Variants in DST observed in about 807,000 individuals in gnomAD.
DST encodes bullous pemphigoid antigen.
A neutral mutation model predicts 875.2 loss-of-function variants in DST; 253 were observed. That is an observed-to-expected ratio of 0.29 (90% CI 0.26 to 0.32). DST has a LOEUF of 0.32. Among genes scored for constraint, DST ranks in the 10% least tolerant of loss-of-function variants. DST has a pLI of 1.00. For missense variants in DST, 8,287 were observed against 9,111.6 expected, an observed-to-expected ratio of 0.91 and a Z score of 3.68; for synonymous variants, 3,124 against 3,197.1, an observed-to-expected ratio of 0.98 and a Z score of 0.77.
chr6:56,721,652 C>T (rs2099417120), intron 5 of DST, among the ~76,000 whole-genome samples: 1 of 152,334 alleles, frequency 6.6e-6, no homozygotes, highest in South Asian at 2.1e-4. Context: ...ATATACTGAA[C>T]TGGCCTATTC....
chr6:56,942,712 T>C (rs968132065), intron 2 of DST, among the ~76,000 whole-genome samples: 3 of 144,198 alleles, frequency 2.1e-5, no homozygotes, highest in South Asian at 2.3e-4. Context: ...TTCTCTTTTT[T>C]TTTTTTTTTT....
At chr6:56,582,606 T>C (rs2098032866) in intron 49 of DST, among the ~76,000 whole-genome samples, 2 of 152,120 alleles carry the variant, frequency 1.3e-5, no homozygotes, top group South Asian at 4.1e-4. Context: ...CTTTTCTTTT[T>C]TTTTTTTATT....
chr6:56,602,756 T>C, intron 43 of DST, 126 bp downstream of exon 43: 1 of 670,528 alleles, frequency 1.5e-6, no homozygotes, highest in Non-Finnish European at 2.2e-6. Flanking sequence ...AATAAAGACA[T>C]CTCTAGAGAC....
intron 4 of DST, among the ~76,000 whole-genome samples, chr6:56,793,716 A>G (rs986604694): frequency 6.6e-6 from 1 of 152,226 alleles, no homozygotes; most frequent in African/African-American, 2.4e-5. Flanking sequence ...GTCTCGGATA[A>G]TAATACAATC....
At chr6:56,622,393 A>AC (rs1391200887) in intron 36 of DST, among the ~76,000 whole-genome samples, 7 of 151,510 alleles carry the variant, frequency 4.6e-5, no homozygotes, top group Non-Finnish European at 2.9e-5. Context: ...ACATGGTGAA[A>AC]CCCCGTCTCT....
chr6:56,832,437 C>T (rs918584143), intron 4 of DST, among the ~76,000 whole-genome samples: 9 of 152,110 alleles, frequency 5.9e-5, no homozygotes, highest in African/African-American at 1.9e-4. Flanking sequence ...CCATGTAAGA[C>T]GTGACTTGCC....
chr6:56,850,298 G>C (rs748056688), intron 4 of DST, among the ~76,000 whole-genome samples: 6 of 151,920 alleles, frequency 3.9e-5, no homozygotes, highest in Admixed American at 6.5e-5. Context: ...AATCCCACTG[G>C]GGGGACAAAA....
At chr6:56,919,449 C>G (rs917463817) in intron 2 of DST, among the ~76,000 whole-genome samples, 2 of 152,172 alleles carry the variant, frequency 1.3e-5, no homozygotes. Flanking sequence ...ATCTACTTAA[C>G]TATCCTTTCT....
At chr6:56,636,373 TAC>T (rs1225152168) in intron 23 of DST, among the ~76,000 whole-genome samples, 182 bp downstream of exon 23, 2 of 151,096 alleles carry the variant, frequency 1.3e-5, no homozygotes, top group Non-Finnish European at 2.9e-5. Flanking sequence ...TGTATATATA[TAC>T]ACACATATAT....
At chr6:56,699,950 A>G (rs573717266) in intron 8 of DST, among the ~76,000 whole-genome samples, 6 of 152,248 alleles carry the variant, frequency 3.9e-5, no homozygotes, top group Admixed American at 6.5e-5. Context: ...AAGAGCAAGT[A>G]TTATTGCATT....
At chr6:56,712,986 C>T (rs2099382518) in intron 5 of DST, among the ~76,000 whole-genome samples, 4 of 152,028 alleles carry the variant, frequency 2.6e-5, no homozygotes, top group Admixed American at 2.6e-4. Context: ...GAAACAACAA[C>T]AAAAAAAGAG....
chr6:56,905,956 C>T (rs907785032), intron 2 of DST, among the ~76,000 whole-genome samples: 2 of 152,074 alleles, frequency 1.3e-5, no homozygotes, highest in Admixed American at 1.3e-4. Flanking sequence ...GCCTATATTG[C>T]ACTTTCTTTA....
chr6:56,821,345 A>G (rs1481166477), intron 4 of DST, among the ~76,000 whole-genome samples: 1 of 152,240 alleles, frequency 6.6e-6, no homozygotes, highest in Non-Finnish European at 1.5e-5. Context: ...TTTACACAGC[A>G]CAGAATGAAG....
At chr6:56,509,303 T>C (rs2096414330) in intron 74 of DST, among the ~76,000 whole-genome samples, 1 of 152,132 alleles carries the variant, frequency 6.6e-6, no homozygotes, top group African/African-American at 2.4e-5. Context: ...CTATGTAAGG[T>C]AGCAGAGTCA....
At chr6:56,521,479 T>TCA (rs2096702555) in intron 69 of DST, among the ~76,000 whole-genome samples, 1 of 144,366 alleles carries the variant, frequency 6.9e-6, no homozygotes, top group African/African-American at 2.6e-5. Flanking sequence ...CTTCCCTATT[T>TCA]AAAAAAAAAA....
In DST at chr6:56,479,417, C is replaced by G. The variant is rs185119003; in HGVS notation, c.21532-1929G>C. Among the ~76,000 whole-genome samples, 100 of 152,252 alleles carry G rather than the reference C, an allele frequency of 6.6e-4. No homozygotes were observed. In the East Asian group the frequency reaches 0.015, roughly 22 times the overall value. The stretch of plus-strand genomic sequence containing the variant: ...ACTACCATTTGACCCAGCAATTCCA[C>G]TACTCGGTATCTACCCAAAGGAAAA... On this transcript the variant is annotated intron_variant, in intron 90 of 103. Transcript: ENST00000680361.
At chr6:56,733,141 A>G (rs2099508945) in intron 5 of DST, among the ~76,000 whole-genome samples, 1 of 152,170 alleles carries the variant, frequency 6.6e-6, no homozygotes, top group Non-Finnish European at 1.5e-5. Context: ...TCAACCTTTA[A>G]AAATCTGTGG....
intron 4 of DST, among the ~76,000 whole-genome samples, chr6:56,801,141 C>T (rs2153021721): frequency 9.4e-6 from 1 of 106,786 alleles, no homozygotes; most frequent in African/African-American, 3.5e-5. Flanking sequence ...TTAACCTTTG[C>T]CACATTTTTT....
intron 67 of DST, 141 bp downstream of exon 67, chr6:56,528,700 T>C (rs1357256511): frequency 9.3e-6 from 6 of 645,480 alleles, no homozygotes; most frequent in Non-Finnish European, 1.6e-5. Context: ...CCTTGATTGG[T>C]CTTCAAAGCA....
Sources: allele counts gnomAD v4.1 joint callset (sites outside exome capture counted in the v4.1 genomes callset), GRCh38; gene constraint gnomAD v4.1.1; transcripts MANE v1.5; gene names NCBI Gene and HGNC (gene_info 2026-07-23, HGNC 2026-07-21).